The following ZFHX3 variants were observed in gnomAD, a reference collection of about 807,000 sequenced individuals.
ZFHX3 encodes zinc finger homeobox protein 3.
ZFHX3 carries 42 observed loss-of-function variants against 279.1 expected under a neutral mutation model. That is an observed-to-expected ratio of 0.15 (90% CI 0.12 to 0.19). The LOEUF is 0.19. ZFHX3 is among the 10% of genes least tolerant of loss of function. The pLI, the probability that ZFHX3 is intolerant of heterozygous loss-of-function variation, is 1.00. For missense variants in ZFHX3, 4,981 were observed against 4,754.0 expected, an observed-to-expected ratio of 1.05 and a Z score of -1.40; for synonymous variants, 2,293 against 1,957.8, an observed-to-expected ratio of 1.17 and a Z score of -4.52.
intron 2 of ZFHX3, among the ~76,000 whole-genome samples, chr16:73,481,166 T>G (rs1167996441): frequency 1.3e-5 from 2 of 151,906 alleles, no homozygotes; most frequent in Non-Finnish European, 2.9e-5. Context: ...CTGACTCTAT[T>G]AAAAATACAA....
At chr16:73,091,784 A>G (rs1446935649) in intron 8 of ZFHX3, among the ~76,000 whole-genome samples, 2 of 152,238 alleles carry the variant, frequency 1.3e-5, no homozygotes. Flanking sequence ...CAATGGCCAC[A>G]AGGATCACTG....
intron 4 of ZFHX3, among the ~76,000 whole-genome samples, chr16:72,855,800 G>GT (rs2143863627): frequency 6.6e-6 from 1 of 152,266 alleles, no homozygotes; most frequent in Admixed American, 6.5e-5. Flanking sequence ...ATTGCAATAG[G>GT]AAATCAGAAA....
chr16:73,779,666 C>T (rs925679416), intron 1 of ZFHX3, among the ~76,000 whole-genome samples: 2 of 152,194 alleles, frequency 1.3e-5, no homozygotes, highest in South Asian at 4.1e-4. Context: ...AGCAGAAATG[C>T]GTTATGCTCC....
At chr16:73,436,563 G>A (rs370110950) in intron 3 of ZFHX3, among the ~76,000 whole-genome samples, 7 of 152,134 alleles carry the variant, frequency 4.6e-5, no homozygotes, top group East Asian at 3.9e-4. Context: ...TCCACAACAC[G>A]TGGGAATTAT....
At chr16:73,160,253 G>T (rs1967197341) in intron 5 of ZFHX3, among the ~76,000 whole-genome samples, 1 of 152,146 alleles carries the variant, frequency 6.6e-6, no homozygotes, top group South Asian at 2.1e-4. Context: ...GCTGAAGCAG[G>T]AAGAAATTGA....
intron 6 of ZFHX3, among the ~76,000 whole-genome samples, chr16:73,143,078 G>A (rs1966851659): frequency 6.6e-6 from 1 of 151,912 alleles, no homozygotes; most frequent in Non-Finnish European, 1.5e-5. Context: ...TGACCCAACA[G>A]ATTTTTTTTT....
At chr16:73,138,182 C>T (rs756028925) in intron 6 of ZFHX3, among the ~76,000 whole-genome samples, 8 of 152,186 alleles carry the variant, frequency 5.3e-5, no homozygotes, top group Non-Finnish European at 8.8e-5. Flanking sequence ...TAAATGACTA[C>T]ATCTAATGGG....
chr16:73,541,440 C>G lies in ZFHX3; in HGVS notation c.-1546-85182G>C, dbSNP rs372181058. ...GGTCGAGGCTACAGTGAGCTGTGAT[C>G]ACAGCACTACACTCCAGCCTGGGGG... On this transcript the variant is annotated intron_variant, in intron 2 of 17. Transcript: ENST00000641206. Among the ~76,000 whole-genome samples the G allele has an allele frequency of 2.2e-4, 33 of 152,080 alleles. 3 individuals carry two copies. The highest frequency in any genetic ancestry group is 2.1e-3 in the East Asian group (11 of 5,170).
chr16:73,260,769 G>T (rs2013802472), intron 4 of ZFHX3, among the ~76,000 whole-genome samples: 1 of 129,920 alleles, frequency 7.7e-6, no homozygotes, highest in Non-Finnish European at 1.6e-5. Flanking sequence ...TGCAACCTCC[G>T]CCTCCCGGGT....
intron 4 of ZFHX3, among the ~76,000 whole-genome samples, chr16:72,851,659 A>T (rs370217636): frequency 2.0e-5 from 3 of 151,580 alleles, no homozygotes; most frequent in South Asian, 4.2e-4. Context: ...GGTTCAAGAG[A>T]TTCTCCTGCC....
At chr16:72,806,500 G>A (rs999607700) in intron 7 of ZFHX3, among the ~76,000 whole-genome samples, 1 of 152,126 alleles carries the variant, frequency 6.6e-6, no homozygotes, top group Non-Finnish European at 1.5e-5. Flanking sequence ...GCTCCAAATG[G>A]CTATCATCTC....
chr16:73,133,021 C>A (rs1011382385), intron 6 of ZFHX3, among the ~76,000 whole-genome samples: 3 of 152,198 alleles, frequency 2.0e-5, no homozygotes, highest in African/African-American at 7.2e-5. Context: ...TGATGAGCAA[C>A]CTTGGCAACA....
At chr16:73,590,479 A>C (rs1227290385) in intron 2 of ZFHX3, among the ~76,000 whole-genome samples, 1 of 152,226 alleles carries the variant, frequency 6.6e-6, no homozygotes, top group African/African-American at 2.4e-5. Flanking sequence ...CCCACTGGCT[A>C]CAAGTGGGTC....
chr16:73,180,508 G>C (rs1967766959), intron 5 of ZFHX3, among the ~76,000 whole-genome samples: 1 of 152,134 alleles, frequency 6.6e-6, no homozygotes, highest in Admixed American at 6.5e-5. Context: ...GCCCATCAGA[G>C]GTTCAAGAAT....
At chr16:73,403,704 C>G in intron 3 of ZFHX3, among the ~76,000 whole-genome samples, 1 of 152,240 alleles carries the variant, frequency 6.6e-6, no homozygotes. Context: ...AAAGGCTGGC[C>G]GGTGGCGAAC....
chr16:73,860,230 G>A (rs1961845369), intron 1 of ZFHX3, among the ~76,000 whole-genome samples: 1 of 152,140 alleles, frequency 6.6e-6, no homozygotes, highest in Non-Finnish European at 1.5e-5. Flanking sequence ...AATGACAAAT[G>A]TAATGTTCCC....
chr16:72,811,873 C>T, intron 6 of ZFHX3, 32 bp downstream of exon 6: 1 of 1,610,758 alleles, frequency 6.2e-7, no homozygotes. Context: ...AACACCTCAC[C>T]TCCCCACCAG....
intron 3 of ZFHX3, among the ~76,000 whole-genome samples, chr16:73,383,540 A>C (rs1004034025): frequency 6.6e-6 from 1 of 152,210 alleles, no homozygotes; most frequent in African/African-American, 2.4e-5. Context: ...ATTTTCTGCA[A>C]AGGGAAGAGA....
At chr16:73,882,062 C>T (rs1057059136) in intron 1 of ZFHX3, among the ~76,000 whole-genome samples, 2 of 152,072 alleles carry the variant, frequency 1.3e-5, no homozygotes, top group Non-Finnish European at 2.9e-5. Flanking sequence ...TGAAAAGCAC[C>T]GCTAAGTGCT....
Sources: allele counts gnomAD v4.1 joint callset (sites outside exome capture counted in the v4.1 genomes callset), GRCh38; gene constraint gnomAD v4.1.1; transcripts MANE v1.5; gene names NCBI Gene and HGNC (gene_info 2026-07-23, HGNC 2026-07-21).